Variants in GALNT13 observed in about 807,000 individuals in gnomAD.
GALNT13 encodes polypeptide N-acetylgalactosaminyltransferase 13.
GALNT13 carries 28 observed loss-of-function variants against 64.2 expected under a neutral mutation model. The observed-to-expected ratio is 0.44, with a 90% CI of 0.32 to 0.60. The LOEUF is 0.60. Ranked by LOEUF, GALNT13 falls within the 20% of genes least tolerant of loss-of-function variation. The pLI is 0.05. For synonymous variants in GALNT13, 214 were observed against 224.6 expected (o/e 0.95, Z 0.42); for missense variants, 577 against 669.8 (o/e 0.86, Z 1.53).
At chr2:153,858,646 A>T in the GALNT13 span, among the ~76,000 whole-genome samples, 1 of 152,152 alleles carries the variant, frequency 6.6e-6, no homozygotes, top group African/African-American at 2.4e-5. Flanking sequence ...TTAATCACTT[A>T]ATGTTCTTAA....
At chr2:153,393,167 A>T in the GALNT13 span, among the ~76,000 whole-genome samples, 3 of 152,102 alleles carry the variant, frequency 2.0e-5, no homozygotes, top group Admixed American at 2.0e-4. Context: ...GGCTGGATAT[A>T]TATATACATA....
chr2:153,088,032 T>C, the GALNT13 span, among the ~76,000 whole-genome samples: 1 of 152,104 alleles, frequency 6.6e-6, no homozygotes. Context: ...TGTTCTTGTT[T>C]CTCTAGTTTT....
the GALNT13 span, among the ~76,000 whole-genome samples, chr2:153,473,709 A>G: frequency 5.3e-5 from 8 of 152,226 alleles, no homozygotes; most frequent in African/African-American, 1.9e-4. Flanking sequence ...CTTTCCTGTC[A>G]TTGTAACCCC....
the GALNT13 span, among the ~76,000 whole-genome samples, chr2:153,074,280 C>T: frequency 6.6e-6 from 1 of 152,128 alleles, no homozygotes; most frequent in Admixed American, 6.6e-5. Context: ...GAGATAAATA[C>T]TTAGTTCATT....
the GALNT13 span, among the ~76,000 whole-genome samples, chr2:153,741,106 A>G: frequency 6.6e-6 from 1 of 152,130 alleles, no homozygotes; most frequent in African/African-American, 2.4e-5. Flanking sequence ...AGCTTCTTCT[A>G]TCCATATTTC....
chr2:153,624,719 C>T, the GALNT13 span, among the ~76,000 whole-genome samples: 1 of 151,734 alleles, frequency 6.6e-6, no homozygotes, highest in South Asian at 2.1e-4. Context: ...GCTTTCAAAC[C>T]TTGTGGTCTG....
the GALNT13 span, among the ~76,000 whole-genome samples, chr2:153,394,262 A>G: frequency 1.3e-5 from 2 of 152,124 alleles, no homozygotes; most frequent in Non-Finnish European, 2.9e-5. Flanking sequence ...TATGATGTGA[A>G]GATTGTTGCT....
At chr2:153,143,723 G>C in the GALNT13 span, among the ~76,000 whole-genome samples, 1 of 151,992 alleles carries the variant, frequency 6.6e-6, no homozygotes, top group Non-Finnish European at 1.5e-5. Flanking sequence ...ACTTAGAATT[G>C]TTTTCTCCTG....
the GALNT13 span, among the ~76,000 whole-genome samples, chr2:153,156,474 A>C: frequency 6.6e-6 from 1 of 152,146 alleles, no homozygotes; most frequent in African/African-American, 2.4e-5. Flanking sequence ...AGACATATTC[A>C]GGACTGAGTT....
chr2:153,765,501 TTG>T, the GALNT13 span, among the ~76,000 whole-genome samples: 1 of 152,202 alleles, frequency 6.6e-6, no homozygotes, highest in Non-Finnish European at 1.5e-5. Flanking sequence ...TGTACCCCAA[TTG>T]TATCTACGAA....
chr2:153,259,643 C>A, the GALNT13 span, among the ~76,000 whole-genome samples: 5 of 152,056 alleles, frequency 3.3e-5, no homozygotes, highest in Admixed American at 6.6e-5. Context: ...ATGCAGTTCC[C>A]CTGCACACGG....
chr2:154,427,629 C>T (rs968118495), intron 11 of GALNT13, among the ~76,000 whole-genome samples: 5 of 152,148 alleles, frequency 3.3e-5, no homozygotes, highest in Non-Finnish European at 7.3e-5. Context: ...GAATACTGAA[C>T]ATAAGATGCA....
the GALNT13 span, among the ~76,000 whole-genome samples, chr2:153,376,759 T>A: frequency 2.6e-5 from 4 of 152,204 alleles, no homozygotes; most frequent in African/African-American, 9.7e-5. Context: ...ATTTACTTAA[T>A]ATATCTATGT....
the GALNT13 span, among the ~76,000 whole-genome samples, chr2:153,222,409 C>A: frequency 6.0e-5 from 2 of 33,240 alleles, no homozygotes; most frequent in African/African-American, 2.3e-4. Context: ...CATGGCCGGG[C>A]CTGGAGAAAG....
the GALNT13 span, among the ~76,000 whole-genome samples, chr2:153,855,705 C>T: frequency 1.3e-5 from 2 of 152,024 alleles, no homozygotes; most frequent in African/African-American, 4.8e-5. Context: ...AATGAAGTTA[C>T]CATATAACCC....
At chr2:154,195,880 C>T (rs1559018196) in intron 4 of GALNT13, among the ~76,000 whole-genome samples, 1 of 152,106 alleles carries the variant, frequency 6.6e-6, no homozygotes, top group African/African-American at 2.4e-5. Flanking sequence ...GCTCATGGTA[C>T]CAGAACCCTA....
chr2:153,760,327 A>T, the GALNT13 span, among the ~76,000 whole-genome samples: 1 of 151,000 alleles, frequency 6.6e-6, no homozygotes. Flanking sequence ...TTTGGGCTTA[A>T]TTTTTTCTTC....
At chr2:153,839,152 A>G in the GALNT13 span, among the ~76,000 whole-genome samples, 5 of 151,900 alleles carry the variant, frequency 3.3e-5, no homozygotes, top group East Asian at 9.7e-4. Flanking sequence ...CGTTCTAACA[A>G]TTTTTTTGTG....
At chr2:153,751,821 C>T in the GALNT13 span, among the ~76,000 whole-genome samples, 3 of 151,714 alleles carry the variant, frequency 2.0e-5, no homozygotes, top group Non-Finnish European at 2.9e-5. Context: ...GTTTAGTCCA[C>T]TTACATTCAA....
Sources: gnomAD v4.1 joint callset for allele counts (sites outside exome capture counted in the v4.1 genomes callset) on GRCh38, gnomAD v4.1.1 for gene constraint, MANE v1.5 for transcripts, NCBI Gene and HGNC (gene_info 2026-07-23, HGNC 2026-07-21) for gene names.